Variants in KCNB2 observed in about 807,000 individuals in gnomAD.
KCNB2 encodes the protein delayed rectifier potassium channel protein.
Under a neutral mutation model 61.5 loss-of-function variants are expected in KCNB2, and 15 were observed. The ratio of observed to expected loss-of-function variants is 0.24; its 90% confidence interval spans 0.16 to 0.38. The LOEUF (loss-of-function observed/expected upper bound fraction) is 0.38. Ranked by LOEUF, KCNB2 falls within the 10% of genes least tolerant of loss-of-function variation. KCNB2 has a pLI of 1.00. For synonymous variants in KCNB2, 457 were observed against 446.0 expected, an observed-to-expected ratio of 1.02 and a Z score of -0.31; for missense variants, 828 against 1,125.2, an observed-to-expected ratio of 0.74 and a Z score of 3.78.
At chr8:72,923,634 A>G (rs560673745) in intron 2 of KCNB2, among the ~76,000 whole-genome samples, 1 of 152,240 alleles carries the variant, frequency 6.6e-6, no homozygotes. Context: ...GGTCCATTCA[A>G]TTGGTTGGGG....
intron 2 of KCNB2, among the ~76,000 whole-genome samples, chr8:72,853,559 T>A (rs1234980583): frequency 6.6e-6 from 1 of 152,216 alleles, no homozygotes; most frequent in Non-Finnish European, 1.5e-5. Flanking sequence ...ACCTAATGTC[T>A]AGGCCTCAAT....
At chr8:72,811,684 G>A (rs1420272637) in intron 2 of KCNB2, among the ~76,000 whole-genome samples, 1 of 152,082 alleles carries the variant, frequency 6.6e-6, no homozygotes, top group Non-Finnish European at 1.5e-5. Context: ...CTCATAAAGG[G>A]TTGCAGCCTG....
chr8:72,606,856 T>C (rs1342198673), intron 2 of KCNB2, among the ~76,000 whole-genome samples: 3 of 152,084 alleles, frequency 2.0e-5, no homozygotes, highest in Admixed American at 1.3e-4. Flanking sequence ...GAGAACCAGG[T>C]TCTAGATTCT....
At chr8:72,561,753 A>ATG (rs1563523509) in intron 1 of KCNB2, among the ~76,000 whole-genome samples, 277 of 24,276 alleles carry the variant, frequency 0.011, 17 homozygotes, top group South Asian at 0.042. Context: ...ATATGTATAT[A>ATG]TATATATGGA....
At chr8:72,869,689 G>C (rs1805586161) in intron 2 of KCNB2, among the ~76,000 whole-genome samples, 1 of 152,126 alleles carries the variant, frequency 6.6e-6, no homozygotes, top group Non-Finnish European at 1.5e-5. Context: ...TTATCAAAAA[G>C]ACAAGTGTTG....
chr8:72,849,899 G>A (rs184282153), intron 2 of KCNB2, among the ~76,000 whole-genome samples: 3 of 152,092 alleles, frequency 2.0e-5, no homozygotes, highest in Admixed American at 1.3e-4. Flanking sequence ...GGTAATCAAA[G>A]TCTTGCCATC....
chr8:72,892,239 G>T (rs2031801014), intron 2 of KCNB2, among the ~76,000 whole-genome samples: 1 of 151,996 alleles, frequency 6.6e-6, no homozygotes, highest in African/African-American at 2.4e-5. Flanking sequence ...GATTCCTGAG[G>T]GGTAGTGATC....
intron 2 of KCNB2, among the ~76,000 whole-genome samples, chr8:72,833,691 T>G (rs1475071786): frequency 1.3e-5 from 2 of 152,156 alleles, no homozygotes; most frequent in African/African-American, 4.8e-5. Context: ...AGCAGAAGTG[T>G]GGCTGATAGC....
chr8:72,873,983 A>C (rs1313641286), intron 2 of KCNB2, among the ~76,000 whole-genome samples: 14 of 152,238 alleles, frequency 9.2e-5, no homozygotes, highest in Admixed American at 9.2e-4. Context: ...AGTGTCATTT[A>C]CAGTTTTGAC....
intron 1 of KCNB2, among the ~76,000 whole-genome samples, chr8:72,567,381 T>A (rs1806640026): frequency 2.0e-5 from 3 of 152,146 alleles, no homozygotes; most frequent in Admixed American, 2.0e-4. Flanking sequence ...TCATGACATG[T>A]TTGGGAGTTG....
chr8:72,676,090 A>G lies in KCNB2; in HGVS notation c.579+107777A>G, dbSNP rs577505869. ...GTTGAGTTGTTTTTGTTCATATTAT[A>G]TATCTCCTCTACCTCCCAAACCTAC... On this transcript the variant is annotated intron_variant, in intron 2 of 2. Transcript: ENST00000523207. Among the ~76,000 whole-genome samples the G allele has an allele frequency of 3.2e-4, 48 of 152,278 alleles. No homozygotes were observed. In the South Asian group the frequency reaches 8.3e-3, roughly 26 times the overall value.
At chr8:72,552,601 A>G (rs1448194087) in intron 1 of KCNB2, among the ~76,000 whole-genome samples, 1 of 152,224 alleles carries the variant, frequency 6.6e-6, no homozygotes, top group Non-Finnish European at 1.5e-5. Context: ...ATTTACAACC[A>G]GTGTTGGCCT....
At chr8:72,581,477 T>G (rs558520318) in intron 2 of KCNB2, among the ~76,000 whole-genome samples, 28 of 152,330 alleles carry the variant, frequency 1.8e-4, no homozygotes, top group African/African-American at 6.7e-4. Context: ...TAAAGAACAC[T>G]GACTGTGCCT....
intron 2 of KCNB2, among the ~76,000 whole-genome samples, chr8:72,667,697 C>T (rs1384756435): frequency 6.6e-6 from 1 of 152,176 alleles, no homozygotes. Context: ...AAATCACCAT[C>T]ATCTCCTGCG....
intron 2 of KCNB2, among the ~76,000 whole-genome samples, chr8:72,791,318 G>C (rs773920993): frequency 6.6e-6 from 1 of 152,174 alleles, no homozygotes; most frequent in East Asian, 1.9e-4. Flanking sequence ...GCGGGACCAA[G>C]TTAGGTGGAT....
At chr8:72,747,718 A>G (rs1482364496) in intron 2 of KCNB2, among the ~76,000 whole-genome samples, 1 of 152,206 alleles carries the variant, frequency 6.6e-6, no homozygotes, top group Non-Finnish European at 1.5e-5. Flanking sequence ...TGACTTTGCA[A>G]ATCCAAAATC....
chr8:72,919,150 G>A lies in KCNB2; in HGVS notation c.580-16785G>A, dbSNP rs369182628. On this transcript the variant is annotated intron_variant, in intron 2 of 2. Transcript: ENST00000523207. Reference sequence around the variant, plus strand: ...TAAATGCATGTATTTATATGCATGCGTATGTTACACCATAGCATTAAGGTG... The same window carrying A: ...TAAATGCATGTATTTATATGCATGCATATGTTACACCATAGCATTAAGGTG... Among the ~76,000 whole-genome samples the A allele has an allele frequency of 1.6e-4, 25 of 152,320 alleles. No individual in the cohort carries two copies. In the Middle Eastern group the frequency reaches 0.014, roughly 83 times the overall value.
rs1808583419 is a variant in KCNB2 at position 72,772,848 on chromosome 8, G to A, written c.580-163087G>A. 2.0e-5 allele frequency among the ~76,000 whole-genome samples: 3 copies of A among 152,186 alleles called. No individual in the cohort carries two copies. The South Asian group carries it at 6.2e-4, about 32-fold the overall frequency. On this transcript the variant is annotated intron_variant, in intron 2 of 2. Transcript: ENST00000523207. Reference sequence around the variant, plus strand: ...ATGCAAACACAAGTATGACCTGTGGGGAACTCCATTTTAGGTTAGGTGGCT... The same window carrying A: ...ATGCAAACACAAGTATGACCTGTGGAGAACTCCATTTTAGGTTAGGTGGCT...
intron 2 of KCNB2, among the ~76,000 whole-genome samples, chr8:72,708,728 T>G (rs1024615896): frequency 6.6e-6 from 1 of 152,240 alleles, no homozygotes; most frequent in Non-Finnish European, 1.5e-5. Flanking sequence ...TATGTCAGTC[T>G]TGTGGTTAAA....
Sources: gnomAD v4.1 joint callset for allele counts (sites outside exome capture counted in the v4.1 genomes callset) on GRCh38, gnomAD v4.1.1 for gene constraint, MANE v1.5 for transcripts, NCBI Gene and HGNC (gene_info 2026-07-23, HGNC 2026-07-21) for gene names.